The following DCC variants were observed in gnomAD, a reference collection of about 807,000 sequenced individuals.
DCC encodes netrin receptor DCC.
DCC carries 58 observed loss-of-function variants against 172.5 expected under a neutral mutation model. The observed-to-expected ratio is 0.34, with a 90% CI of 0.27 to 0.42. The LOEUF (loss-of-function observed/expected upper bound fraction) is 0.42, where lower values mean the gene tolerates loss of function less well. Ranked by LOEUF, DCC falls within the 10% of genes least tolerant of loss-of-function variation. The pLI is 1.00. For missense variants in DCC, 1,740 were observed against 1,791.0 expected, an observed-to-expected ratio of 0.97 and a Z score of 0.51; for synonymous variants, 709 against 644.5, an observed-to-expected ratio of 1.10 and a Z score of -1.52.
At chr18:52,583,924 G>C (rs1350988276) in intron 1 of DCC, among the ~76,000 whole-genome samples, 2 of 151,844 alleles carry the variant, frequency 1.3e-5, no homozygotes, top group Admixed American at 6.6e-5. Context: ...TCTCATCTCC[G>C]CATTATTCTC....
At chr18:52,693,305 T>C (rs945884870) in intron 1 of DCC, among the ~76,000 whole-genome samples, 2 of 149,126 alleles carry the variant, frequency 1.3e-5, no homozygotes, top group African/African-American at 4.9e-5. Context: ...ATATTAAGTG[T>C]ATATATTACA....
chr18:53,201,468 G>A (rs760908707), intron 9 of DCC, among the ~76,000 whole-genome samples: 11 of 152,092 alleles, frequency 7.2e-5, no homozygotes, highest in East Asian at 1.9e-4. Flanking sequence ...CAATGTTCTC[G>A]TTCCTTTCTC....
At chr18:53,039,299 C>A (rs965604266) in intron 5 of DCC, among the ~76,000 whole-genome samples, 1 of 151,982 alleles carries the variant, frequency 6.6e-6, no homozygotes, top group Admixed American at 6.6e-5. Context: ...ACACAGTATT[C>A]TATAGTTGTT....
At chr18:52,359,415 A>G (rs1984521396) in intron 1 of DCC, among the ~76,000 whole-genome samples, 1 of 152,122 alleles carries the variant, frequency 6.6e-6, no homozygotes, top group East Asian at 1.9e-4. Context: ...TAGCTCAAAG[A>G]CTCGATTTCT....
rs367676885 is a variant in DCC, at chr18:52,350,144, C to T, written c.91+9266C>T. On this transcript the variant is annotated intron_variant, in intron 1 of 28. Coordinates refer to ENST00000442544, the MANE Select transcript of DCC (RefSeq NM_005215.4). ...ACAATAGTTACTGAGCCTTTACCAA[C>T]GATTACAAATAGATGAATAAAAGAT... Among the ~76,000 whole-genome samples, 7 of 152,262 alleles carry T rather than the reference C, an allele frequency of 4.6e-5. No individual in the cohort carries two copies. The East Asian group carries it at 7.7e-4, about 17-fold the overall frequency.
intron 2 of DCC, among the ~76,000 whole-genome samples, chr18:52,894,074 T>C (rs2039692344): frequency 6.6e-6 from 1 of 152,172 alleles, no homozygotes; most frequent in African/African-American, 2.4e-5. Flanking sequence ...GAATGTCCTT[T>C]TGTATCTTGG....
chr18:52,428,530 A>G (rs1987518361), intron 1 of DCC, among the ~76,000 whole-genome samples: 1 of 152,146 alleles, frequency 6.6e-6, no homozygotes, highest in Non-Finnish European at 1.5e-5. Flanking sequence ...GAAACCCAAC[A>G]ACAATAACTT....
chr18:52,433,257 G>A (rs1358093915), intron 1 of DCC, among the ~76,000 whole-genome samples: 1 of 151,904 alleles, frequency 6.6e-6, no homozygotes, highest in East Asian at 1.9e-4. Flanking sequence ...GGGTGGAAGG[G>A]GTTTCAATTT....
chr18:53,183,825 G>A (rs1344064647), intron 9 of DCC, among the ~76,000 whole-genome samples: 1 of 151,886 alleles, frequency 6.6e-6, no homozygotes, highest in Non-Finnish European at 1.5e-5. Flanking sequence ...GAACAGAGAA[G>A]TTCAAATAAT....
At chr18:53,119,095 G>T (rs1439184626) in intron 7 of DCC, among the ~76,000 whole-genome samples, 3 of 151,680 alleles carry the variant, frequency 2.0e-5, no homozygotes, top group African/African-American at 7.3e-5. Context: ...AAGGTACTGT[G>T]GTACATTTAT....
intron 1 of DCC, among the ~76,000 whole-genome samples, chr18:52,560,721 C>A (rs553704014): frequency 6.6e-6 from 1 of 152,196 alleles, no homozygotes; most frequent in East Asian, 1.9e-4. Context: ...TGTGCATGAA[C>A]CCCCTTTGAA....
intron 5 of DCC, among the ~76,000 whole-genome samples, chr18:53,046,220 T>A (rs2042235777): frequency 6.6e-6 from 1 of 151,990 alleles, no homozygotes; most frequent in Non-Finnish European, 1.5e-5. Context: ...AGAAATACTG[T>A]CATTTCTCAA....
rs1983597057 is a variant in DCC at position 52,340,843 on chromosome 18, G to C, written c.56G>C (p.Gly19Ala). Residue 19 changes from glycine (G) to alanine (A), a missense_variant, in exon 1 of 29, where the codon GGA becomes GCA. By Grantham distance (60) the Gly-to-Ala change is moderately conservative. Transcript: ENST00000442544. Reference sequence around the variant, plus strand: ...CCCAAGCTGGCTTTTGTACTCTTCGGAGCTTCCTTGTTCAGCGCGCATCTT... The same window carrying C: ...CCCAAGCTGGCTTTTGTACTCTTCGCAGCTTCCTTGTTCAGCGCGCATCTT... ...WVPKLAFVLFGASLFSAHLQV... is the reference protein window; with the variant it reads ...WVPKLAFVLFAASLFSAHLQV... 1.2e-6 allele frequency: 2 copies of C among 1,613,974 alleles called. No individual in the cohort carries two copies. The highest frequency in any genetic ancestry group is 2.2e-5 in the South Asian group (2 of 91,080).
chr18:53,480,731 A>C (rs1043802869), intron 25 of DCC: 6 of 152,060 alleles, frequency 3.9e-5, no homozygotes, highest in African/African-American at 1.4e-4. Flanking sequence ...TAAAATCGGT[A>C]CTCCATTGTG....
At chr18:53,479,664 A>G (rs1568158986) in intron 25 of DCC, among the ~76,000 whole-genome samples, 1 of 152,192 alleles carries the variant, frequency 6.6e-6, no homozygotes, top group Admixed American at 6.5e-5. Context: ...GAAGTAATGA[A>G]GAAGGGATCT....
chr18:53,298,183 A>G (rs1390436219), intron 12 of DCC, among the ~76,000 whole-genome samples: 1 of 152,150 alleles, frequency 6.6e-6, no homozygotes, highest in Non-Finnish European at 1.5e-5. Context: ...TACACTTGGT[A>G]GACATACTAA....
chr18:53,066,142 G>A lies in DCC; in HGVS notation c.1237G>A (p.Ala413Thr). The A allele has an allele frequency of 6.2e-7, 1 of 1,613,200 alleles. No homozygotes were observed. Among genetic ancestry groups the A allele is most frequent in the Non-Finnish European group, 8.5e-7 (1 of 1,179,484 alleles). The change falls in exon 7 of 29, where the codon GCA (alanine) becomes ACA (threonine). Residue 413 changes from alanine (A) to threonine (T), a missense_variant. By Grantham distance (58) the Ala-to-Thr change is moderately conservative. Coordinates refer to ENST00000442544, the MANE Select transcript of DCC (RefSeq NM_005215.4). ...TGAGGCTGGAAATGCCCAGACCAGTGCACAGCTCATTGTCCCTAAGCCTGG... is the reference window on the plus strand; with the variant it reads ...TGAGGCTGGAAATGCCCAGACCAGTACACAGCTCATTGTCCCTAAGCCTGG... Reference protein sequence around the residue: ...ENEAGNAQTSAQLIVPKPAIP... With the variant: ...ENEAGNAQTSTQLIVPKPAIP...
intron 2 of DCC, among the ~76,000 whole-genome samples, chr18:52,828,751 AT>A (rs1421927976): frequency 1.3e-5 from 2 of 152,288 alleles, no homozygotes; most frequent in African/African-American, 4.8e-5. Flanking sequence ...TGGCAATGAC[AT>A]CTTTTGGTTT....
chr18:53,245,582 T>A (rs2056356096), intron 12 of DCC, among the ~76,000 whole-genome samples: 1 of 152,130 alleles, frequency 6.6e-6, no homozygotes, highest in Non-Finnish European at 1.5e-5. Context: ...ATCAGATATG[T>A]CGGTTTACAG....
Sources: gnomAD v4.1 joint callset for allele counts (sites outside exome capture counted in the v4.1 genomes callset) on GRCh38, gnomAD v4.1.1 for gene constraint, MANE v1.5 for transcripts, NCBI Gene and HGNC (gene_info 2026-07-23, HGNC 2026-07-21) for gene names.